Variants in RAB27B observed in about 807,000 individuals in gnomAD.
RAB27B encodes the protein RAB27B, member RAS oncogene family.
A neutral mutation model predicts 24.6 loss-of-function variants in RAB27B; 15 were observed. That is an observed-to-expected ratio of 0.61 (90% CI 0.41 to 0.94). The LOEUF is 0.94. Among genes scored for constraint, RAB27B ranks in the 40% least tolerant of loss-of-function variants. The pLI is 0.00. For missense variants in RAB27B, 261 were observed against 266.8 expected, an observed-to-expected ratio of 0.98 and a Z score of 0.15; for synonymous variants, 105 against 92.5, an observed-to-expected ratio of 1.14 and a Z score of -0.78.
intron 2 of RAB27B, among the ~76,000 whole-genome samples, chr18:54,758,248 A>T (rs1232621887): frequency 6.6e-6 from 1 of 152,148 alleles, no homozygotes; most frequent in Non-Finnish European, 1.5e-5. Context: ...ACTGTAATTT[A>T]AAAAAATATT....
chr18:54,798,934 T>C (rs539284221), intron 2 of RAB27B, among the ~76,000 whole-genome samples: 7 of 152,302 alleles, frequency 4.6e-5, no homozygotes, highest in African/African-American at 1.7e-4. Flanking sequence ...AGGACAAAGA[T>C]GAAGGCAAAA....
intron 2 of RAB27B, among the ~76,000 whole-genome samples, chr18:54,747,203 G>A (rs1300775744): frequency 1.3e-5 from 2 of 152,026 alleles, no homozygotes; most frequent in African/African-American, 4.8e-5. Flanking sequence ...CTCCTCAACT[G>A]CCTTCATTTT....
At chr18:54,783,916 G>T (rs908267306) in intron 2 of RAB27B, among the ~76,000 whole-genome samples, 1 of 152,194 alleles carries the variant, frequency 6.6e-6, no homozygotes, top group African/African-American at 2.4e-5. Context: ...CACTTGGATT[G>T]TGCCTGGCCC....
chr18:54,755,005 GAA>G (rs1447632369), intron 2 of RAB27B, among the ~76,000 whole-genome samples: 1 of 152,130 alleles, frequency 6.6e-6, no homozygotes. Context: ...ACTCTTCTGT[GAA>G]AGAAAAAGTT....
At chr18:54,825,953 G>T (rs1910457680), upstream of RAB27B, among the ~76,000 whole-genome samples, 1 of 152,212 alleles carries the variant, frequency 6.6e-6, no homozygotes, top group Non-Finnish European at 1.5e-5. Flanking sequence ...AATCTCTCCT[G>T]CAGGCATGCA....
intron 3 of RAB27B, chr18:54,880,928 A>G (rs1229696476): frequency 1.3e-5 from 2 of 152,134 alleles, no homozygotes; most frequent in African/African-American, 4.8e-5. Flanking sequence ...AAGATAAACA[A>G]TGCCTCACAC....
chr18:54,721,707 A>G, intron 2 of RAB27B, among the ~76,000 whole-genome samples: 1 of 152,314 alleles, frequency 6.6e-6, no homozygotes, highest in Non-Finnish European at 1.5e-5. Context: ...TTATGTTGTT[A>G]TTATTACTAT....
chr18:54,877,746 T>C lies in RAB27B; in HGVS notation c.153+8T>C, dbSNP rs374273253. ...TTTCGGGAAAAACGTGTGGTGAGTT[T>C]TTAATCGTACTTCTAACCTTGTCAC... On this transcript the variant is annotated splice_region_variant and intron_variant, in intron 2 of 5. Transcript: ENST00000262094. 2 of 1,574,440 alleles carry C rather than the reference T, an allele frequency of 1.3e-6. No individual in the cohort carries two copies. The highest frequency in any genetic ancestry group is 1.4e-5 in the African/African-American group (1 of 72,186).
chr18:54,807,107 G>C (rs1446613341), intron 2 of RAB27B, among the ~76,000 whole-genome samples: 1 of 152,042 alleles, frequency 6.6e-6, no homozygotes, highest in Non-Finnish European at 1.5e-5. Context: ...CACCATGTTG[G>C]CTAGGATGGT....
intron 2 of RAB27B, among the ~76,000 whole-genome samples, chr18:54,791,916 C>G (rs180869663): frequency 6.6e-6 from 1 of 152,160 alleles, no homozygotes; most frequent in Non-Finnish European, 1.5e-5. Flanking sequence ...GTAGGGGCCG[C>G]CAAGCTGCCC....
At chr18:54,842,785 C>A (rs985279750) in intron 1 of RAB27B, among the ~76,000 whole-genome samples, 1 of 152,126 alleles carries the variant, frequency 6.6e-6, no homozygotes, top group Non-Finnish European at 1.5e-5. Context: ...TTGCAAGTTT[C>A]TTGAATTTAT....
At chr18:54,728,875 C>CAAAAAAAAAAAAAAAAAAAAAAAAAAA (rs56161105) in intron 2 of RAB27B, among the ~76,000 whole-genome samples, 1 of 36,668 alleles carries the variant, frequency 2.7e-5, no homozygotes, top group Admixed American at 5.9e-4. Context: ...GACTCTGTCT[C>CAAAAAAAAAAAAAAAAAAAAAAAAAAA]AAAAAAAAAA....
intron 2 of RAB27B, among the ~76,000 whole-genome samples, chr18:54,819,109 A>C (rs895436705): frequency 2.0e-5 from 3 of 149,508 alleles, no homozygotes; most frequent in African/African-American, 7.3e-5. Flanking sequence ...AGTATTTAGA[A>C]TTTTCACATT....
At chr18:54,773,423 G>T (rs1005840443) in intron 2 of RAB27B, among the ~76,000 whole-genome samples, 1 of 152,174 alleles carries the variant, frequency 6.6e-6, no homozygotes, top group African/African-American at 2.4e-5. Context: ...AGACCACAAA[G>T]CTTCTGCAAA....
chr18:54,823,763 C>T (rs533011015), upstream of RAB27B, among the ~76,000 whole-genome samples: 118 of 152,262 alleles, frequency 7.7e-4, no homozygotes, highest in Non-Finnish European at 1.5e-3. Context: ...TATGCAAATA[C>T]TTTAATAAAG....
At chr18:54,854,039 T>G (rs1911687605) in intron 1 of RAB27B, among the ~76,000 whole-genome samples, 1 of 152,108 alleles carries the variant, frequency 6.6e-6, no homozygotes, top group Admixed American at 6.5e-5. Flanking sequence ...ATAACTTTAG[T>G]TTTAGGGATT....
intron 1 of RAB27B, among the ~76,000 whole-genome samples, chr18:54,861,055 A>G (rs184774987): frequency 2.6e-5 from 4 of 152,316 alleles, no homozygotes; most frequent in African/African-American, 9.6e-5. Flanking sequence ...ATATTTGCCT[A>G]TGAACCCATA....
At chr18:54,858,174 TA>T in intron 1 of RAB27B, among the ~76,000 whole-genome samples, 1 of 152,230 alleles carries the variant, frequency 6.6e-6, no homozygotes, top group East Asian at 1.9e-4. Context: ...TCCTAAAATA[TA>T]AACTCTCTCA....
At position 54,762,729 on chromosome 18, in the gene RAB27B, C is replaced by T. The variant is rs188824911; in HGVS notation, c.-20+44588C>T. On this transcript the variant is annotated intron_variant, in intron 2 of 4. Coordinates refer to the RAB27B transcript ENST00000586570. ...AAAAAATCACATACCTTCCTCCTCCCCAACACACCGGGCCCCACTCCTTAT... is the reference window on the plus strand; with the variant it reads ...AAAAAATCACATACCTTCCTCCTCCTCAACACACCGGGCCCCACTCCTTAT... Among the ~76,000 whole-genome samples the T allele has an allele frequency of 1.9e-3, 289 of 152,248 alleles. 5 individuals are homozygous for T. Among genetic ancestry groups the T allele is most frequent in the Admixed American group, 0.017 (259 of 15,282 alleles).
Sources: allele counts gnomAD v4.1 joint callset (sites outside exome capture counted in the v4.1 genomes callset), GRCh38; gene constraint gnomAD v4.1.1; transcripts MANE v1.5; gene names NCBI Gene and HGNC (gene_info 2026-07-23, HGNC 2026-07-21).